The following BCL7C variants were observed in gnomAD, a reference collection of about 807,000 sequenced individuals.
BCL7C encodes BAF chromatin remodeling complex subunit BCL7C.
A neutral mutation model predicts 26.2 loss-of-function variants in BCL7C; 8 were observed. The observed-to-expected ratio is 0.30, with a 90% CI of 0.18 to 0.55. The LOEUF is 0.55. Ranked by LOEUF, BCL7C falls within the 20% of genes least tolerant of loss-of-function variation. The probability of loss-of-function intolerance (pLI) is 0.93; values close to 1 mark genes in which losing one functional copy is unlikely to be tolerated. For synonymous variants in BCL7C, 90 were observed against 116.5 expected (o/e 0.77, Z 1.47); for missense variants, 262 against 298.5 (o/e 0.88, Z 0.90).
chr16:30,870,073 A>G (rs2054869532), intron 5 of BCL7C, among the ~76,000 whole-genome samples: 1 of 152,146 alleles, frequency 6.6e-6, no homozygotes, highest in African/African-American at 2.4e-5. Context: ...CTCTTAGCCC[A>G]GGGCCTGCCA....
At chr16:30,889,886 T>C (rs1282590619) in intron 4 of BCL7C, among the ~76,000 whole-genome samples, 1 of 145,772 alleles carries the variant, frequency 6.9e-6, no homozygotes, top group African/African-American at 2.6e-5. Flanking sequence ...TGATCACGCC[T>C]CTGCATTCCA....
Position 30,879,697 on chromosome 16 carries a change from A to AAAAAAAAAAAAAC in BCL7C, c.528+9150_528+9162dup, listed in dbSNP as rs1193225980. Among the ~76,000 whole-genome samples the AAAAAAAAAAAAAC allele has an allele frequency of 2.7e-4, 39 of 143,732 alleles. 3 individuals are homozygous for AAAAAAAAAAAAAC. Among genetic ancestry groups the AAAAAAAAAAAAAC allele is most frequent in the African/African-American group, 9.6e-4 (38 of 39,566 alleles). The allele number at this position is 143,732 out of a possible 152,430, so 94.3% of individuals were successfully genotyped here. A position where few individuals can be genotyped will look rare whatever the true frequency, so the allele number is the denominator to read the frequency against. On this transcript the variant is annotated intron_variant, in intron 5 of 5. Coordinates refer to the BCL7C transcript ENST00000380317. ...GAGACTCCCCTTCTCTACAAAAAAA[A>AAAAAAAAAAAAAC]AAAAAAAAAAAACTGGGCACGGTGG...
At chr16:30,876,801 G>A (rs1280506555) in intron 5 of BCL7C, among the ~76,000 whole-genome samples, 6 of 152,194 alleles carry the variant, frequency 3.9e-5, no homozygotes, top group African/African-American at 1.4e-4. Context: ...CTATGCATGA[G>A]TTGGAAGAAA....
At chr16:30,837,562 G>A (rs1490251403) in intron 5 of BCL7C, among the ~76,000 whole-genome samples, 1 of 151,850 alleles carries the variant, frequency 6.6e-6, no homozygotes, top group Non-Finnish European at 1.5e-5. Context: ...TGGCCAGGCT[G>A]GTCTCAAACT....
chr16:30,841,378 A>T (rs2054600849), intron 5 of BCL7C, among the ~76,000 whole-genome samples: 1 of 152,194 alleles, frequency 6.6e-6, no homozygotes, highest in East Asian at 1.9e-4. Flanking sequence ...TGACCAACTC[A>T]GCATTCCACT....
Position 30,834,803 on chromosome 16 carries a change from G to C in BCL7C, c.*145C>G, listed in dbSNP as rs1484573117. ...AGATGGGTGCTGTGGCCTTAGGTTC[G>C]GGCAGGTGTGGGGCCGCTCGCCCTC... On this transcript the variant is annotated 3_prime_UTR_variant, in exon 6 of 6. Coordinates refer to the BCL7C transcript ENST00000380317. The surrounding 1 kb of genome is among the most constrained non-coding windows in gnomAD (Gnocchi z 4.3). The C allele has an allele frequency of 1.3e-6, 1 of 761,588 alleles. No individual in the cohort carries two copies. Among genetic ancestry groups the C allele is most frequent in the Non-Finnish European group, 2.0e-6 (1 of 494,588 alleles). 47.2% of individuals were successfully genotyped at this position (761,588 alleles called of 1,614,324 possible). A position where few individuals can be genotyped will look rare whatever the true frequency, so the allele number is the denominator to read the frequency against.
chr16:30,878,582 C>T lies in BCL7C; in HGVS notation c.528+10278G>A, dbSNP rs547210064. 4.0e-5 allele frequency among the ~76,000 whole-genome samples: 6 copies of T among 150,104 alleles called. No individual in the cohort carries two copies. The South Asian group carries it at 1.1e-3, about 26-fold the overall frequency. ...TGGGGTGGCTGGGCGTGGTGGCTCACGCCTGTAATCCTGGCACTCTGGGAG... is the reference window on the plus strand; with the variant it reads ...TGGGGTGGCTGGGCGTGGTGGCTCATGCCTGTAATCCTGGCACTCTGGGAG... On this transcript the variant is annotated intron_variant, in intron 5 of 5. Transcript: ENST00000380317.
chr16:30,884,503 T>G (rs1036232315), downstream of BCL7C, among the ~76,000 whole-genome samples: 10 of 149,174 alleles, frequency 6.7e-5, no homozygotes, highest in East Asian at 3.9e-4. Context: ...TTTTTTTTTT[T>G]TTTTTTTTTT....
intron 5 of BCL7C, 54 bp downstream of exon 5, chr16:30,888,806 C>G (rs2055177799): frequency 6.4e-7 from 1 of 1,564,780 alleles, no homozygotes; most frequent in Non-Finnish European, 8.8e-7. Flanking sequence ...TTCGACTGCC[C>G]AGATCCCCCA....
At chr16:30,862,705 TCCCAAAC>T (rs1260646797) in intron 5 of BCL7C, among the ~76,000 whole-genome samples, 1 of 152,098 alleles carries the variant, frequency 6.6e-6, no homozygotes, top group Non-Finnish European at 1.5e-5. Flanking sequence ...CCGGATAATC[TCCCAAAC>T]CCCAAACCCT....
chr16:30,879,686 C>A (rs1259207494), intron 5 of BCL7C, among the ~76,000 whole-genome samples: 1 of 3,004 alleles, frequency 3.3e-4, no homozygotes, highest in Non-Finnish European at 7.8e-3. Context: ...CTCCCCTTCT[C>A]TACAAAAAAA....
intron 5 of BCL7C, among the ~76,000 whole-genome samples, chr16:30,865,570 C>A (rs918193124): frequency 1.6e-4 from 25 of 151,986 alleles, no homozygotes; most frequent in African/African-American, 5.6e-4. Context: ...AGAATGAGAT[C>A]TTGTATCTTT....
chr16:30,861,652 C>G (rs986680682), intron 5 of BCL7C, among the ~76,000 whole-genome samples: 2 of 152,116 alleles, frequency 1.3e-5, no homozygotes, highest in Admixed American at 6.6e-5. Flanking sequence ...CTGATTGCCT[C>G]GGAAGCCTCC....
At chr16:30,870,953 G>C (rs1338587005) in intron 5 of BCL7C, among the ~76,000 whole-genome samples, 1 of 152,208 alleles carries the variant, frequency 6.6e-6, no homozygotes, top group Non-Finnish European at 1.5e-5. Flanking sequence ...CTGTAATATT[G>C]GAAGAATAGC....
At chr16:30,868,173 G>C (rs865926142) in intron 5 of BCL7C, among the ~76,000 whole-genome samples, 1 of 146,790 alleles carries the variant, frequency 6.8e-6, no homozygotes, top group Non-Finnish European at 1.5e-5. Context: ...TGTCACCCAG[G>C]CTGGAATGCA....
At chr16:30,868,933 T>A (rs929983068) in intron 5 of BCL7C, among the ~76,000 whole-genome samples, 2 of 152,118 alleles carry the variant, frequency 1.3e-5, no homozygotes, top group African/African-American at 4.8e-5. Flanking sequence ...ATTACACTTT[T>A]AAAATGAATC....
chr16:30,835,029 C>T, exon 6 of BCL7C: 1 of 1,549,488 alleles, frequency 6.5e-7, no homozygotes. Flanking sequence ...TGTCCGGCAC[C>T]GCCATGGAAC....
chr16:30,884,234 G>C (rs989215497), downstream of BCL7C, among the ~76,000 whole-genome samples: 1 of 151,856 alleles, frequency 6.6e-6, no homozygotes, highest in East Asian at 1.9e-4. Flanking sequence ...AGTCAAGAAT[G>C]GGGGAGACTC....
chr16:30,876,894 T>C (rs1262544956), intron 5 of BCL7C, among the ~76,000 whole-genome samples: 1 of 152,120 alleles, frequency 6.6e-6, no homozygotes, highest in East Asian at 1.9e-4. Context: ...GTGGGAGAAC[T>C]CCATGGGCAA....
Sources: allele counts gnomAD v4.1 joint callset (sites outside exome capture counted in the v4.1 genomes callset), GRCh38; gene constraint gnomAD v4.1.1; non-coding constraint Gnocchi (gnomAD v3.1); transcripts MANE v1.5; gene names NCBI Gene and HGNC (gene_info 2026-07-23, HGNC 2026-07-21).